TSPAN18: variants seen among roughly 807,000 people sequenced by gnomAD.
The protein encoded by TSPAN18 is tetraspanin-18.
Under a neutral mutation model 27.3 loss-of-function variants are expected in TSPAN18, and 14 were observed. That is an observed-to-expected ratio of 0.51 (90% confidence interval 0.34 to 0.80). The LOEUF (loss-of-function observed/expected upper bound fraction) is 0.80, where lower values mean the gene tolerates loss of function less well. Among genes scored for constraint, TSPAN18 ranks in the 30% least tolerant of loss-of-function variants. The pLI, the probability that TSPAN18 is intolerant of heterozygous loss-of-function variation, is 0.01. For missense variants in TSPAN18, 268 were observed against 323.9 expected (o/e 0.83, Z 1.32); for synonymous variants, 143 against 136.5 (o/e 1.05, Z -0.33).
At chr11:44,771,822 T>C (rs1206883564) in intron 2 of TSPAN18, among the ~76,000 whole-genome samples, 1 of 152,202 alleles carries the variant, frequency 6.6e-6, no homozygotes, top group Non-Finnish European at 1.5e-5. Context: ...ATCAGGGACT[T>C]GAGCATTAAT....
intron 2 of TSPAN18, among the ~76,000 whole-genome samples, chr11:44,846,983 G>A (rs570347586): frequency 6.6e-6 from 1 of 152,202 alleles, no homozygotes. Context: ...CCCTGTGCCT[G>A]TGGTATTCCC....
chr11:44,930,962 C>T lies in TSPAN18; in HGVS notation c.*1784C>T. 7 of 499,450 alleles carry T rather than the reference C, an allele frequency of 1.4e-5. No homozygotes were observed. The highest frequency in any genetic ancestry group is 1.0e-4 in the South Asian group (7 of 66,728). 30.9% of individuals were successfully genotyped at this position (499,450 alleles called of 1,614,324 possible). A position where few individuals can be genotyped will look rare whatever the true frequency, so the allele number is the denominator to read the frequency against. Reference sequence around the variant, plus strand: ...TCACCAGGGACACTCGGAGCCACAGCCTAGAGCCCCGTGTTCCCTGGCCTG... The same window carrying T: ...TCACCAGGGACACTCGGAGCCACAGTCTAGAGCCCCGTGTTCCCTGGCCTG... On this transcript the variant is annotated 3_prime_UTR_variant, in exon 10 of 10. Coordinates refer to ENST00000520358, the MANE Select transcript of TSPAN18 (RefSeq NM_130783.5).
intron 2 of TSPAN18, among the ~76,000 whole-genome samples, chr11:44,831,205 C>T (rs894263060): frequency 6.6e-6 from 1 of 152,188 alleles, no homozygotes; most frequent in Non-Finnish European, 1.5e-5. Flanking sequence ...CCACTTTCTT[C>T]AACTCTGGTT....
At chr11:44,920,757 C>T (rs550923479) in intron 8 of TSPAN18, among the ~76,000 whole-genome samples, 47 of 152,264 alleles carry the variant, frequency 3.1e-4, no homozygotes, top group African/African-American at 5.8e-4. Context: ...AGGACTTTAA[C>T]GAGGGTCTCA....
chr11:44,820,305 G>A (rs1023982946), intron 2 of TSPAN18, among the ~76,000 whole-genome samples: 4 of 152,206 alleles, frequency 2.6e-5, no homozygotes, highest in African/African-American at 4.8e-5. Context: ...TTGCTGTTAG[G>A]TGGGGCCTTC....
chr11:44,749,638 T>C lies in TSPAN18; in HGVS notation c.-239-14788T>C, dbSNP rs12417313. On this transcript the variant is annotated intron_variant, in intron 1 of 9. Transcript: ENST00000520358. ...CCACAGAACGTGGAACTTTCTTTTT[T>C]TTTTTTTTTTTTTTTTGAGTTGGAG... is the stretch of plus-strand genomic sequence containing the variant. 2.0e-3 allele frequency among the ~76,000 whole-genome samples: 237 copies of C among 118,410 alleles called. 3 individuals carry two copies. In the East Asian group the frequency reaches 0.022, roughly 11 times the overall value. The allele number at this position is 118,410 out of a possible 152,430, so 77.7% of individuals were successfully genotyped here. A position where few individuals can be genotyped will look rare whatever the true frequency, so the allele number is the denominator to read the frequency against.
At chr11:44,923,903 G>A (rs1440434358) in intron 8 of TSPAN18, among the ~76,000 whole-genome samples, 1 of 152,182 alleles carries the variant, frequency 6.6e-6, no homozygotes, top group African/African-American at 2.4e-5. Context: ...GAGTCCAGGG[G>A]CCTGAAGGGT....
chr11:44,922,673 G>A (rs1207929033), intron 8 of TSPAN18, among the ~76,000 whole-genome samples: 2 of 151,384 alleles, frequency 1.3e-5, no homozygotes, highest in East Asian at 2.0e-4. Context: ...AGAGGTGTGT[G>A]GATCTGAGAA....
chr11:44,866,769 C>G (rs1858049118), intron 3 of TSPAN18, among the ~76,000 whole-genome samples: 1 of 152,242 alleles, frequency 6.6e-6, no homozygotes, highest in Non-Finnish European at 1.5e-5. Context: ...CTGCAGCCAC[C>G]TTCATGGGCT....
chr11:44,792,276 G>A (rs1004161341), intron 2 of TSPAN18, among the ~76,000 whole-genome samples: 1 of 152,212 alleles, frequency 6.6e-6, no homozygotes, highest in Non-Finnish European at 1.5e-5. Context: ...CATTTAAACA[G>A]TGTTGAGGAA....
chr11:44,924,211 A>T (rs944451958), intron 8 of TSPAN18, among the ~76,000 whole-genome samples: 50 of 152,012 alleles, frequency 3.3e-4, no homozygotes, highest in Non-Finnish European at 2.1e-4. Flanking sequence ...GCACAGAGAG[A>T]CGGACGGTAA....
At chr11:44,867,935 C>CATAAAAGGGTT (rs886403812) in intron 3 of TSPAN18, among the ~76,000 whole-genome samples, 2 of 152,122 alleles carry the variant, frequency 1.3e-5, no homozygotes, top group African/African-American at 4.8e-5. Flanking sequence ...ACTGGGGAGC[C>CATAAAAGGGTT]ATAAAAGGGT....
At chr11:44,897,840 G>A (rs1453519098) in intron 3 of TSPAN18, 2 of 1,289,260 alleles carry the variant, frequency 1.6e-6, no homozygotes, top group Non-Finnish European at 2.0e-6. Context: ...TGACACATTG[G>A]CAATAGCCTC....
chr11:44,755,452 G>C (rs543203945), intron 1 of TSPAN18, among the ~76,000 whole-genome samples: 9 of 151,930 alleles, frequency 5.9e-5, no homozygotes, highest in East Asian at 1.9e-4. Context: ...CCCCCAGCCA[G>C]ACAAGTGCAG....
At chr11:44,882,597 C>G (rs982041755) in intron 3 of TSPAN18, among the ~76,000 whole-genome samples, 95 of 78,242 alleles carry the variant, frequency 1.2e-3, no homozygotes, top group African/African-American at 3.2e-3. Flanking sequence ...GACACACACA[C>G]ACACACACAC....
intron 1 of TSPAN18, among the ~76,000 whole-genome samples, chr11:44,757,995 C>G (rs1490925996): frequency 6.6e-6 from 1 of 151,946 alleles, no homozygotes; most frequent in Non-Finnish European, 1.5e-5. Flanking sequence ...GTCTATTTTT[C>G]CTTTTGTTGT....
chr11:44,914,883 T>G (rs77423939), intron 5 of TSPAN18, among the ~76,000 whole-genome samples: 2,732 of 152,266 alleles, frequency 0.018, 59 homozygotes, highest in African/African-American at 0.053. Context: ...GCACTTGTCT[T>G]CGGGAAGGAT....
chr11:44,882,587 G>GACACACACACACACACAC (rs748475836), intron 3 of TSPAN18, among the ~76,000 whole-genome samples: 7 of 130,770 alleles, frequency 5.4e-5, no homozygotes, highest in African/African-American at 1.2e-4. Flanking sequence ...CAGAGAGAGA[G>GACACACACACACACACAC]ACACACACAC....
chr11:44,775,986 G>T (rs2134932517), intron 2 of TSPAN18, among the ~76,000 whole-genome samples: 1 of 152,320 alleles, frequency 6.6e-6, no homozygotes, highest in African/African-American at 2.4e-5. Flanking sequence ...TTTCTAAAAT[G>T]TATTAGCTGC....
Sources: gnomAD v4.1 joint callset for allele counts (sites outside exome capture counted in the v4.1 genomes callset) on GRCh38, gnomAD v4.1.1 for gene constraint, MANE v1.5 for transcripts, NCBI Gene and HGNC (gene_info 2026-07-23, HGNC 2026-07-21) for gene names.